Variants in DSC1 observed in about 807,000 individuals in gnomAD.
DSC1 encodes the protein desmocollin-1.
Under a neutral mutation model 98.8 loss-of-function variants are expected in DSC1, and 79 were observed. The observed-to-expected ratio is 0.80, with a 90% confidence interval of 0.67 to 0.96. DSC1 has a LOEUF of 0.96. Among genes scored for constraint, DSC1 ranks in the 50% least tolerant of loss-of-function variants. The probability of loss-of-function intolerance (pLI) is 0.00; values close to 1 mark genes in which losing one functional copy is unlikely to be tolerated. For missense variants in DSC1, 1,115 were observed against 1,075.9 expected (o/e 1.04, Z -0.51); for synonymous variants, 405 against 372.1 (o/e 1.09, Z -1.02).
intron 12 of DSC1, among the ~76,000 whole-genome samples, 197 bp downstream of exon 12, chr18:31,134,375 C>A (rs1988562584): frequency 1.3e-5 from 2 of 151,640 alleles, no homozygotes; most frequent in African/African-American, 2.4e-5. Context: ...TATATGTTTT[C>A]TTAAAAGATA....
At position 31,155,035 on chromosome 18, in the gene DSC1, CCTATT is replaced by C. The variant is rs775608153; in HGVS notation, c.472-111_472-107del. On this transcript the variant is annotated intron_variant, in intron 4 of 15. Coordinates refer to ENST00000257198, the MANE Select transcript of DSC1 (RefSeq NM_024421.2). ...TACCACTACCCCTCTTTCCTACTCT[CCTATT>C]CTTTCTTTCTTCTGCTTAGGTGCCC... 34 of 1,288,824 alleles carry C rather than the reference CCTATT, an allele frequency of 2.6e-5. 1 individual carries two copies. The highest frequency in any genetic ancestry group is 3.5e-5 in the Non-Finnish European group (33 of 938,906). 79.8% of individuals were successfully genotyped at this position (1,288,824 alleles called of 1,614,324 possible). A position where few individuals can be genotyped will look rare whatever the true frequency, so the allele number is the denominator to read the frequency against.
At chr18:31,159,047 G>GATTTTTTTTTTT (rs1989154691) in intron 2 of DSC1, among the ~76,000 whole-genome samples, 1 of 71,098 alleles carries the variant, frequency 1.4e-5, no homozygotes, top group African/African-American at 5.8e-5. Flanking sequence ...CTACTATGTG[G>GATTTTTTTTTTT]TTTTTTTTTT....
intron 13 of DSC1, among the ~76,000 whole-genome samples, chr18:31,133,598 G>A (rs1988541934): frequency 6.6e-6 from 1 of 151,964 alleles, no homozygotes; most frequent in Non-Finnish European, 1.5e-5. Flanking sequence ...GTTTTACCCA[G>A]CCTCTTCATT....
At chr18:31,149,067 C>G (rs1402511767) in intron 5 of DSC1, among the ~76,000 whole-genome samples, 1 of 152,056 alleles carries the variant, frequency 6.6e-6, no homozygotes, top group Non-Finnish European at 1.5e-5. Context: ...ATGTTTTTTA[C>G]CTATATTTTC....
chr18:31,154,744 A>T, intron 5 of DSC1, 30 bp downstream of exon 5: 1 of 1,540,470 alleles, frequency 6.5e-7, no homozygotes, highest in Non-Finnish European at 8.8e-7. Flanking sequence ...ATAAAGATAT[A>T]ATTATGAATA....
At chr18:31,147,946 C>A (rs1433431932) in intron 6 of DSC1, among the ~76,000 whole-genome samples, 2 of 151,302 alleles carry the variant, frequency 1.3e-5, no homozygotes, top group African/African-American at 4.9e-5. Flanking sequence ...CCTTAAATGA[C>A]ACTTTTTAAA....
chr18:31,160,147 A>C (rs1989183145), intron 1 of DSC1, among the ~76,000 whole-genome samples: 1 of 152,218 alleles, frequency 6.6e-6, no homozygotes, highest in South Asian at 2.1e-4. Context: ...AGATGGGTGA[A>C]GATTTTTAAT....
intron 14 of DSC1, chr18:31,132,079 G>T: frequency 1.8e-6 from 1 of 545,182 alleles, no homozygotes. Context: ...GGTCATTGTA[G>T]ATGTAATTAG....
At chr18:31,132,292 A>T in intron 14 of DSC1, 5 of 361,312 alleles carry the variant, frequency 1.4e-5, no homozygotes, top group Non-Finnish European at 2.5e-5. Context: ...CTTCAGAGGG[A>T]GCACGGACCT....
At position 31,141,979 on chromosome 18, in the gene DSC1, T is replaced by C. The variant is rs1988746241; in HGVS notation, c.1260+20A>G. On this transcript the variant is annotated intron_variant, in intron 9 of 15. Coordinates refer to ENST00000257198, the MANE Select transcript of DSC1 (RefSeq NM_024421.2). ...AGTTAGGATATTTTAAAGCATAGCCTGATTATTTTATTTGTTTACCTTGAC... is the reference window on the plus strand; with the variant it reads ...AGTTAGGATATTTTAAAGCATAGCCCGATTATTTTATTTGTTTACCTTGAC... The C allele has an allele frequency of 6.3e-7, 1 of 1,587,836 alleles. No homozygotes were observed. The highest frequency in any genetic ancestry group is 8.5e-7 in the Non-Finnish European group (1 of 1,171,742).
chr18:31,144,231 A>C (rs1464467288), intron 7 of DSC1, among the ~76,000 whole-genome samples: 1 of 135,186 alleles, frequency 7.4e-6, no homozygotes, highest in East Asian at 3.1e-4. Flanking sequence ...TTTACGTATA[A>C]TTTTGTTAAA....
At position 31,157,554 on chromosome 18, in the gene DSC1, G is replaced by A. The variant is rs758140282; in HGVS notation, c.168C>T (p.Leu56=). 1.2e-6 allele frequency: 2 copies of A among 1,614,190 alleles called. No individual in the cohort carries two copies. The highest frequency in any genetic ancestry group is 3.3e-5 in the Admixed American group (2 of 60,020). Residue 56 remains leucine (L), a synonymous_variant, in exon 3 of 16, where the codon CTC becomes CTT. Transcript: ENST00000257198. Reference sequence around the variant, plus strand: ...TGGACCGGATTAGGCTGGCCGACTTGAGACACTCCTCCAGATTCACTGCAG... The same window carrying A: ...TGGACCGGATTAGGCTGGCCGACTTAAGACACTCCTCCAGATTCACTGCAG... ...LVGKVNLEEC[L]KSASLIRSSD... is the part of the protein sequence containing the mutation.
intron 1 of DSC1, among the ~76,000 whole-genome samples, chr18:31,161,453 C>T (rs1989207892): frequency 6.6e-6 from 1 of 152,020 alleles, no homozygotes; most frequent in African/African-American, 2.4e-5. Context: ...TCCTTCTTGT[C>T]CTAGGATTCC....
At chr18:31,152,623 G>T (rs1397289380) in intron 5 of DSC1, among the ~76,000 whole-genome samples, 2 of 152,122 alleles carry the variant, frequency 1.3e-5, no homozygotes, top group South Asian at 2.1e-4. Flanking sequence ...GGCATTTAAT[G>T]ATCAGAACAC....
At chr18:31,152,571 C>T (rs890975725) in intron 5 of DSC1, among the ~76,000 whole-genome samples, 1 of 152,112 alleles carries the variant, frequency 6.6e-6, no homozygotes, top group African/African-American at 2.4e-5. Context: ...AGAATATCTT[C>T]AACAACTTTT....
At chr18:31,155,384 C>A (rs1160894481) in intron 4 of DSC1, among the ~76,000 whole-genome samples, 6 of 152,196 alleles carry the variant, frequency 3.9e-5, no homozygotes, top group Admixed American at 1.3e-4. Context: ...AATCCCAGCA[C>A]TTTGGGAGGC....
Position 31,142,791 on chromosome 18 carries a change from T to C in DSC1, c.1075-607A>G, listed in dbSNP as rs1275798140. Among the ~76,000 whole-genome samples the C allele has an allele frequency of 4.6e-5, 7 of 152,200 alleles. No individual in the cohort carries two copies. In the East Asian group the frequency reaches 1.4e-3, roughly 29 times the overall value. On this transcript the variant is annotated intron_variant, in intron 8 of 15. Coordinates refer to ENST00000257198, the MANE Select transcript of DSC1 (RefSeq NM_024421.2). The stretch of plus-strand genomic sequence containing the variant: ...CTGTTAGAGATAGAAGGTGAATTCA[T>C]ATAGGAGGATGATAGACACTGGAGC...
rs897378403 is a variant in DSC1 at position 31,129,794 on chromosome 18, T to A, written c.*720A>T. Reference sequence around the variant, plus strand: ...CAATTCTTTCATGGAAATCTTCTCATGTAATCTTCATAAAATCTCTGCCCC... The same window carrying A: ...CAATTCTTTCATGGAAATCTTCTCAAGTAATCTTCATAAAATCTCTGCCCC... On this transcript the variant is annotated 3_prime_UTR_variant, in exon 16 of 16. Coordinates refer to ENST00000257198, the MANE Select transcript of DSC1 (RefSeq NM_024421.2). 6.6e-6 allele frequency: 1 copy of A among 152,240 alleles called. No homozygotes were observed. Among genetic ancestry groups the A allele is most frequent in the Non-Finnish European group, 1.5e-5 (1 of 68,052 alleles). 9.4% of individuals were successfully genotyped at this position (152,240 alleles called of 1,614,324 possible).
At chr18:31,131,873 T>C (rs1988500432) in intron 14 of DSC1, 31 bp from the exon 15 acceptor site, 2 of 1,606,424 alleles carry the variant, frequency 1.2e-6, no homozygotes, top group African/African-American at 1.3e-5. Context: ...ATAAAGTGAA[T>C]TTGAAAAATG....
Sources: gnomAD v4.1 joint callset for allele counts (sites outside exome capture counted in the v4.1 genomes callset) on GRCh38, gnomAD v4.1.1 for gene constraint, MANE v1.5 for transcripts, NCBI Gene and HGNC (gene_info 2026-07-23, HGNC 2026-07-21) for gene names.